Variants in PEX5L observed in about 807,000 individuals in gnomAD.
PEX5L encodes PEX5-related protein.
A neutral mutation model predicts 84.0 loss-of-function variants in PEX5L; 30 were observed. The ratio of observed to expected loss-of-function variants is 0.36; its 90% confidence interval spans 0.27 to 0.48. The LOEUF is 0.48. PEX5L is among the 20% of genes least tolerant of loss of function. The pLI, the probability that PEX5L is intolerant of heterozygous loss-of-function variation, is 0.99. For synonymous variants in PEX5L, 270 were observed against 283.1 expected, an observed-to-expected ratio of 0.95 and a Z score of 0.46; for missense variants, 533 against 754.6, an observed-to-expected ratio of 0.71 and a Z score of 3.44.
rs1386549177 is a variant in PEX5L, at chr3:179,879,820, C to A, written c.505+109G>T. Reference sequence around the variant, plus strand: ...CCTGTCCAGTTTCCACCATGGAATGCCTTTTCTACTCCTTTGTTCTCTGTT... The same window carrying A: ...CCTGTCCAGTTTCCACCATGGAATGACTTTTCTACTCCTTTGTTCTCTGTT... On this transcript the variant is annotated intron_variant, in intron 5 of 14. Transcript: ENST00000467460. 4.3e-6 allele frequency: 3 copies of A among 704,852 alleles called. No individual in the cohort carries two copies. The Admixed American group carries it at 9.1e-5, about 21-fold the overall frequency. 43.7% of individuals were successfully genotyped at this position (704,852 alleles called of 1,614,324 possible). A position where few individuals can be genotyped will look rare whatever the true frequency, so the allele number is the denominator to read the frequency against.
chr3:179,984,467 A>AT (rs1786618743), intron 1 of PEX5L, among the ~76,000 whole-genome samples: 1 of 152,024 alleles, frequency 6.6e-6, no homozygotes, highest in Admixed American at 6.5e-5. Flanking sequence ...ACTTTGCTTA[A>AT]TTTTTTTCTA....
At chr3:179,900,749 TGA>T (rs2109017669) in intron 2 of PEX5L, 2 of 1,531,512 alleles carry the variant, frequency 1.3e-6, no homozygotes, top group East Asian at 4.9e-5. Context: ...AAAAGAGTCA[TGA>T]CACACCCATG....
intron 2 of PEX5L, among the ~76,000 whole-genome samples, chr3:179,939,067 C>T (rs1775373268): frequency 6.6e-6 from 1 of 152,210 alleles, no homozygotes; most frequent in South Asian, 2.1e-4. Context: ...GAAACTCTGC[C>T]TCACAAATTT....
intron 7 of PEX5L, among the ~76,000 whole-genome samples, chr3:179,859,583 A>G (rs1315303245): frequency 6.6e-6 from 1 of 152,238 alleles, no homozygotes; most frequent in Non-Finnish European, 1.5e-5. Context: ...GCCTCCGGTT[A>G]AAAACATAAA....
chr3:180,023,692 T>C, intron 1 of PEX5L, among the ~76,000 whole-genome samples: 1 of 152,054 alleles, frequency 6.6e-6, no homozygotes, highest in East Asian at 1.9e-4. Context: ...ACATCCAATT[T>C]GTGTTTGAAT....
In PEX5L at chr3:179,801,948, A is replaced by G. The variant is rs746312394; in HGVS notation, c.1761T>C (p.Ser587=). The G allele has an allele frequency of 1.4e-5, 22 of 1,613,216 alleles. No individual in the cohort carries two copies. In the South Asian group the frequency reaches 2.3e-4, roughly 17 times the overall value. The change falls in exon 15 of 15, where the codon TCT becomes TCC. Residue 587 remains serine, a synonymous_variant. Coordinates refer to ENST00000467460, the MANE Select transcript of PEX5L (RefSeq NM_016559.3). ...TTCTGAGGGCAGCCCAGATATTCCC[A>G]GAGATTGCAGGATGAGGAACTTGCT... ...NQQQVPHPAI[S]GNIWAALRIA...
At chr3:179,898,055 A>T in intron 3 of PEX5L, 87 bp downstream of exon 3, 1 of 789,400 alleles carries the variant, frequency 1.3e-6, no homozygotes, top group Non-Finnish European at 2.0e-6. Flanking sequence ...TTCAAGAGTT[A>T]AAGTTTTTTT....
chr3:179,957,481 C>T (rs998076230), intron 2 of PEX5L, among the ~76,000 whole-genome samples: 1 of 152,166 alleles, frequency 6.6e-6, no homozygotes, highest in African/African-American at 2.4e-5. Flanking sequence ...CAGACCACTT[C>T]TGTAGATGGG....
At chr3:179,971,989 A>T (rs995927868) in intron 1 of PEX5L, among the ~76,000 whole-genome samples, 1 of 152,148 alleles carries the variant, frequency 6.6e-6, no homozygotes, top group Non-Finnish European at 1.5e-5. Context: ...CAATTCTTTG[A>T]AGAGCCTTAG....
chr3:179,973,031 C>T (rs2110272210), intron 1 of PEX5L: 1 of 368,402 alleles, frequency 2.7e-6, no homozygotes, highest in Non-Finnish European at 4.5e-6. Context: ...TTCAGTCAAG[C>T]TGACTTCCTT....
rs1321834981 is a variant in PEX5L at position 179,799,392 on chromosome 3, G to C, written c.*2436C>G. 2 of 152,136 alleles carry C rather than the reference G, an allele frequency of 1.3e-5. No homozygotes were observed. The highest frequency in any genetic ancestry group is 4.8e-5 in the African/African-American group (2 of 41,416). The allele number at this position is 152,136 out of a possible 1,614,324, so 9.4% of individuals were successfully genotyped here. On this transcript the variant is annotated 3_prime_UTR_variant, in exon 15 of 15. Transcript: ENST00000467460. Reference sequence around the variant, plus strand: ...AGTACTACTAAATGCTCTGCAAATTGCCAAATAATGGTAAGAATGGAAGAT... The same window carrying C: ...AGTACTACTAAATGCTCTGCAAATTCCCAAATAATGGTAAGAATGGAAGAT...
intron 1 of PEX5L, among the ~76,000 whole-genome samples, chr3:180,021,495 G>A (rs1790424281): frequency 6.6e-6 from 1 of 152,156 alleles, no homozygotes; most frequent in Admixed American, 6.6e-5. Flanking sequence ...TCTAGACAAT[G>A]ATTCTAAAGA....
chr3:179,864,986 A>C (rs556889791), intron 7 of PEX5L, among the ~76,000 whole-genome samples: 1 of 152,264 alleles, frequency 6.6e-6, no homozygotes, highest in African/African-American at 2.4e-5. Context: ...CTTTCCTGTG[A>C]AGCCTGACCT....
chr3:179,949,516 C>T (rs1180921985), intron 2 of PEX5L, among the ~76,000 whole-genome samples: 1 of 152,178 alleles, frequency 6.6e-6, no homozygotes, highest in African/African-American at 2.4e-5. Flanking sequence ...TAATTTAGAA[C>T]CCATTAAGTA....
At chr3:180,036,480 G>T in intron 1 of PEX5L, 99 bp downstream of exon 1, 2 of 1,088,428 alleles carry the variant, frequency 1.8e-6, no homozygotes, top group Non-Finnish European at 2.9e-6. Context: ...CACTTGTTGA[G>T]CTGTGCGAAG....
At chr3:180,032,152 T>G (rs1298483725) in intron 1 of PEX5L, among the ~76,000 whole-genome samples, 2 of 152,232 alleles carry the variant, frequency 1.3e-5, no homozygotes, top group Non-Finnish European at 2.9e-5. Context: ...CATGTGAATA[T>G]ACAGGAAGAC....
intron 4 of PEX5L, among the ~76,000 whole-genome samples, 192 bp downstream of exon 4, chr3:179,887,481 T>C (rs186011094): frequency 5.3e-4 from 80 of 152,368 alleles, no homozygotes; most frequent in Non-Finnish European, 8.7e-4. Flanking sequence ...ACTTATGTTC[T>C]GCAAAATTGG....
At chr3:179,816,060 C>G in intron 9 of PEX5L, 56 bp from the exon 10 acceptor site, 1 of 1,552,806 alleles carries the variant, frequency 6.4e-7, no homozygotes, top group Non-Finnish European at 8.9e-7. Context: ...CTCATTCTCA[C>G]ATTCAATAAG....
intron 2 of PEX5L, among the ~76,000 whole-genome samples, chr3:179,950,193 A>G (rs1330228429): frequency 6.6e-6 from 1 of 152,188 alleles, no homozygotes; most frequent in African/African-American, 2.4e-5. Flanking sequence ...GCTTGGTCCT[A>G]GCATGTCTTA....
Sources: gnomAD v4.1 joint callset for allele counts (sites outside exome capture counted in the v4.1 genomes callset) on GRCh38, gnomAD v4.1.1 for gene constraint, MANE v1.5 for transcripts, NCBI Gene and HGNC (gene_info 2026-07-23, HGNC 2026-07-21) for gene names.